The following BCAR3 variants were observed in gnomAD, a reference collection of about 807,000 sequenced individuals.
The protein encoded by BCAR3 is breast cancer anti-estrogen resistance protein 3.
A neutral mutation model predicts 80.1 loss-of-function variants in BCAR3; 37 were observed. The ratio of observed to expected loss-of-function variants is 0.46; its 90% CI spans 0.36 to 0.61. BCAR3 has a LOEUF of 0.61. Ranked by LOEUF, BCAR3 falls within the 20% of genes least tolerant of loss-of-function variation. The pLI is 0.00. For synonymous variants in BCAR3, 389 were observed against 418.9 expected, an observed-to-expected ratio of 0.93 and a Z score of 0.87; for missense variants, 978 against 1,068.2, an observed-to-expected ratio of 0.92 and a Z score of 1.18.
intron 2 of BCAR3, among the ~76,000 whole-genome samples, chr1:93,762,343 G>C (rs1362267729): frequency 6.6e-6 from 1 of 152,192 alleles, no homozygotes; most frequent in Non-Finnish European, 1.5e-5. Context: ...CCCCAGCTCT[G>C]CTCTGTGCAC....
intron 2 of BCAR3, among the ~76,000 whole-genome samples, chr1:93,777,459 CTCCTCCTCTTCT>C (rs1652609674): frequency 1.4e-5 from 2 of 145,954 alleles, no homozygotes; most frequent in South Asian, 4.4e-4. Flanking sequence ...CCTCCTCTTC[CTCCTCCTCTTCT>C]TCCTCCTCCT....
At chr1:93,676,806 G>C (rs1188192393) in intron 1 of BCAR3, among the ~76,000 whole-genome samples, 1 of 152,200 alleles carries the variant, frequency 6.6e-6, no homozygotes, top group Admixed American at 6.5e-5. Context: ...GCACCCTACA[G>C]AACTTCTTCA....
chr1:93,842,077 G>A (rs937283941), intron 2 of BCAR3, among the ~76,000 whole-genome samples: 6 of 151,198 alleles, frequency 4.0e-5, no homozygotes, highest in South Asian at 2.1e-4. Context: ...CTGAAGTCCC[G>A]TATCACCACA....
At chr1:93,846,988 G>GC (rs367709116) in intron 1 of BCAR3, 344,068 of 344,078 alleles carry the variant, frequency 1, 172,030 homozygotes, top group Middle Eastern at 1. Context: ...CGGCGCTCGC[G>GC]CGCAGGTCCA....
At chr1:93,763,610 T>C (rs567343419) in intron 2 of BCAR3, among the ~76,000 whole-genome samples, 1 of 152,320 alleles carries the variant, frequency 6.6e-6, no homozygotes, top group Admixed American at 6.5e-5. Context: ...TGCACAGTAA[T>C]TATACTGCTT....
intron 2 of BCAR3, among the ~76,000 whole-genome samples, chr1:93,781,615 G>A (rs1652763784): frequency 6.6e-6 from 1 of 152,158 alleles, no homozygotes; most frequent in Non-Finnish European, 1.5e-5. Flanking sequence ...TAACCTGCCT[G>A]AGGTCGCACA....
intron 2 of BCAR3, among the ~76,000 whole-genome samples, chr1:93,671,357 A>G (rs773020203): frequency 1.3e-4 from 20 of 152,178 alleles, no homozygotes; most frequent in Non-Finnish European, 2.9e-4. Flanking sequence ...GCAAACTTGC[A>G]ACAGAGTACT....
chr1:93,788,722 T>C (rs1393848161), intron 2 of BCAR3, among the ~76,000 whole-genome samples: 1 of 152,194 alleles, frequency 6.6e-6, no homozygotes, highest in Non-Finnish European at 1.5e-5. Context: ...CTCTTCTGGC[T>C]GGCAGAGATA....
At chr1:93,790,300 A>G (rs1374314419) in intron 2 of BCAR3, among the ~76,000 whole-genome samples, 2 of 152,184 alleles carry the variant, frequency 1.3e-5, no homozygotes. Context: ...TGTGCTTAAT[A>G]GAATAATCAT....
intron 2 of BCAR3, among the ~76,000 whole-genome samples, chr1:93,789,270 C>T (rs151318046): frequency 6.9e-4 from 105 of 152,314 alleles, no homozygotes; most frequent in Non-Finnish European, 1.3e-3. Context: ...GCCACTACAC[C>T]CAACCTATTA....
chr1:93,642,405 A>C, intron 2 of BCAR3, 62 bp from the exon 3 acceptor site: 1 of 1,473,014 alleles, frequency 6.8e-7, no homozygotes, highest in East Asian at 2.3e-5. Flanking sequence ...CATTGAGTAT[A>C]ATGTGTCCAA....
rs184638804 is a variant in BCAR3, at chr1:93,724,194, C to T, written c.-62-18052G>A. On this transcript the variant is annotated intron_variant, in intron 2 of 13. Coordinates refer to the BCAR3 transcript ENST00000370244. Reference sequence around the variant, plus strand: ...AGAGGGGAGCCCCACAGAGGGGAACCGAGGCCCCCAGAGTTAGGATGCCAG... The same window carrying T: ...AGAGGGGAGCCCCACAGAGGGGAACTGAGGCCCCCAGAGTTAGGATGCCAG... Among the ~76,000 whole-genome samples the T allele has an allele frequency of 7.2e-5, 11 of 152,246 alleles. No homozygotes were observed. The South Asian group carries it at 1.2e-3, about 17-fold the overall frequency.
At chr1:93,684,179 A>G (rs1648895587), upstream of BCAR3, among the ~76,000 whole-genome samples, 2 of 152,212 alleles carry the variant, frequency 1.3e-5, no homozygotes, top group African/African-American at 4.8e-5. Flanking sequence ...ATATTTCTAA[A>G]TCGAAGTATC....
At chr1:93,628,510 C>T (rs1187160886) in intron 3 of BCAR3, among the ~76,000 whole-genome samples, 1 of 152,228 alleles carries the variant, frequency 6.6e-6, no homozygotes, top group Non-Finnish European at 1.5e-5. Context: ...CAGCTCCAGC[C>T]TCTGGCCTCC....
chr1:93,562,035 A>G lies in BCAR3; in HGVS notation c.*206T>C, dbSNP rs1288067360. The G allele has an allele frequency of 2.3e-6, 1 of 440,016 alleles. No individual in the cohort carries two copies. Among genetic ancestry groups the G allele is most frequent in the African/African-American group, 2.0e-5 (1 of 49,462 alleles). 27.3% of individuals were successfully genotyped at this position (440,016 alleles called of 1,614,324 possible). ...TTAGCAGTAGTTACCTTAATAATAA[A>G]TTATTCATTTTAAAATCAGTAGTAA... is the stretch of plus-strand genomic sequence containing the variant. On this transcript the variant is annotated 3_prime_UTR_variant, in exon 12 of 12. Coordinates refer to ENST00000260502, the MANE Select transcript of BCAR3 (RefSeq NM_003567.4).
intron 2 of BCAR3, among the ~76,000 whole-genome samples, chr1:93,800,061 G>A (rs1246708313): frequency 1.3e-5 from 2 of 152,138 alleles, no homozygotes; most frequent in African/African-American, 4.8e-5. Flanking sequence ...GGGAGGATGG[G>A]AGTATTACAA....
At chr1:93,579,259 A>G (rs1312228375) in intron 7 of BCAR3, among the ~76,000 whole-genome samples, 3 of 152,230 alleles carry the variant, frequency 2.0e-5, no homozygotes, top group African/African-American at 7.2e-5. Flanking sequence ...CTGGGCTGCC[A>G]CTGCACTTGG....
intron 2 of BCAR3, among the ~76,000 whole-genome samples, chr1:93,812,350 T>TCTGCCCTTCATACCTCTTCATAC (rs1557696313): frequency 1.3e-5 from 2 of 152,098 alleles, no homozygotes; most frequent in African/African-American, 4.8e-5. Context: ...CCCTCTCCTA[T>TCTGCCCTTCATACCTCTTCATAC]CTGCCCTTCA....
At chr1:93,647,676 A>C (rs1676182730) in intron 2 of BCAR3, among the ~76,000 whole-genome samples, 1 of 152,230 alleles carries the variant, frequency 6.6e-6, no homozygotes. Context: ...TAGTAACTAA[A>C]GTACCAAAGG....
Sources: allele counts gnomAD v4.1 joint callset (sites outside exome capture counted in the v4.1 genomes callset), GRCh38; gene constraint gnomAD v4.1.1; transcripts MANE v1.5; gene names NCBI Gene and HGNC (gene_info 2026-07-23, HGNC 2026-07-21).